CD8B: variants seen among roughly 807,000 people sequenced by gnomAD.
The protein encoded by CD8B is T-cell surface glycoprotein CD8 beta chain.
Under a neutral mutation model 24.2 loss-of-function variants are expected in CD8B, and 6 were observed. The ratio of observed to expected loss-of-function variants is 0.25; its 90% CI spans 0.14 to 0.49. The LOEUF is 0.49. Among genes scored for constraint, CD8B ranks in the 20% least tolerant of loss-of-function variants. CD8B has a pLI of 0.98. For missense variants in CD8B, 196 were observed against 271.3 expected, an observed-to-expected ratio of 0.72 and a Z score of 1.95; for synonymous variants, 84 against 108.3, an observed-to-expected ratio of 0.78 and a Z score of 1.39.
intron 5 of CD8B, among the ~76,000 whole-genome samples, chr2:86,824,797 T>G (rs183265102): frequency 6.6e-6 from 1 of 152,320 alleles, no homozygotes; most frequent in African/African-American, 2.4e-5. Context: ...ATCCTGCTTT[T>G]CCTTTACTTC....
At chr2:86,857,246 C>A (rs1340575370) in intron 2 of CD8B, among the ~76,000 whole-genome samples, 1 of 152,174 alleles carries the variant, frequency 6.6e-6, no homozygotes, top group East Asian at 1.9e-4. Context: ...CATAAGGGCA[C>A]CTGCCCCTAG....
intron 2 of CD8B, among the ~76,000 whole-genome samples, chr2:86,853,719 T>C (rs1181034338): frequency 6.6e-6 from 1 of 152,028 alleles, no homozygotes; most frequent in Non-Finnish European, 1.5e-5. Context: ...ATTTATTTAT[T>C]TTTTGAGACA....
intron 3 of CD8B, among the ~76,000 whole-genome samples, chr2:86,849,117 C>T (rs1675845173): frequency 6.6e-6 from 1 of 152,274 alleles, no homozygotes; most frequent in East Asian, 1.9e-4. Context: ...TACTAAAAGG[C>T]AGGACCAGGG....
intron 5 of CD8B, among the ~76,000 whole-genome samples, chr2:86,818,838 G>A (rs1674357092): frequency 6.6e-6 from 1 of 152,236 alleles, no homozygotes; most frequent in African/African-American, 2.4e-5. Context: ...TGAAAGTGGA[G>A]ACAGGCTGAA....
intron 1 of CD8B, among the ~76,000 whole-genome samples, chr2:86,858,654 G>A (rs1353306288): frequency 7.0e-5 from 10 of 143,026 alleles, no homozygotes; most frequent in Middle Eastern, 3.4e-3. Context: ...CAAAGGTACA[G>A]GGGAGAGAGC....
At chr2:86,857,644 C>T (rs1483584483) in intron 2 of CD8B, among the ~76,000 whole-genome samples, 11 of 152,172 alleles carry the variant, frequency 7.2e-5, no homozygotes, top group East Asian at 3.9e-4. Context: ...CACTTGAACC[C>T]GGGAAGCAGA....
In CD8B at chr2:86,832,273, GT is replaced by G. The variant is rs568842749; in HGVS notation, c.620+12648del. ...GAGGGTGGATCACCTGAGGTTAGGA[GT>G]TCAAGACCAGCCTGGCCAACATGGT... On this transcript the variant is annotated intron_variant, in intron 5 of 5. Coordinates refer to the CD8B transcript ENST00000331469. Among the ~76,000 whole-genome samples the G allele has an allele frequency of 2.4e-4, 37 of 152,286 alleles. 1 individual carries two copies. In the South Asian group the frequency reaches 4.8e-3, roughly 20 times the overall value.
chr2:86,851,711 A>T (rs1675984608), intron 3 of CD8B, among the ~76,000 whole-genome samples: 1 of 152,156 alleles, frequency 6.6e-6, no homozygotes, highest in Non-Finnish European at 1.5e-5. Flanking sequence ...TTTTCTGGGT[A>T]GCAGCAGATG....
At chr2:86,847,481 T>C in intron 3 of CD8B, among the ~76,000 whole-genome samples, 1 of 152,208 alleles carries the variant, frequency 6.6e-6, no homozygotes, top group Admixed American at 6.5e-5. Context: ...TAATCACCAC[T>C]GATAATTTAG....
At chr2:86,849,103 C>T (rs1376956203) in intron 3 of CD8B, among the ~76,000 whole-genome samples, 3 of 152,264 alleles carry the variant, frequency 2.0e-5, no homozygotes, top group Non-Finnish European at 4.4e-5. Context: ...CAAGGTCACC[C>T]AGCTACTAAA....
downstream of CD8B, among the ~76,000 whole-genome samples, chr2:86,834,020 T>A (rs1200027439): frequency 3.3e-5 from 5 of 152,190 alleles, no homozygotes; most frequent in South Asian, 2.1e-4. Context: ...AGCAACTTAT[T>A]AAATGATTCC....
chr2:86,849,679 T>C, intron 3 of CD8B, among the ~76,000 whole-genome samples: 1 of 151,028 alleles, frequency 6.6e-6, no homozygotes, highest in Non-Finnish European at 1.5e-5. Flanking sequence ...CTTTGCGGTA[T>C]GCAAATTATA....
rs111634107 is a variant in CD8B, at chr2:86,831,551, A to G, written c.620+13371T>C. ...AAACTTCTTTTGCCTTTGAGAAAGA[A>G]AATGTTTTCCTTCTGATTCTAAAAG... is the stretch of plus-strand genomic sequence containing the variant. On this transcript the variant is annotated intron_variant, in intron 5 of 5. Transcript: ENST00000331469. Among the ~76,000 whole-genome samples, 228 of 152,348 alleles carry G rather than the reference A, an allele frequency of 1.5e-3. 2 individuals are homozygous for G. Among genetic ancestry groups the G allele is most frequent in the Middle Eastern group, 6.8e-3 (2 of 294 alleles).
At chr2:86,827,473 A>C (rs1674736450) in intron 5 of CD8B, among the ~76,000 whole-genome samples, 2 of 152,018 alleles carry the variant, frequency 1.3e-5, no homozygotes, top group Admixed American at 1.3e-4. Flanking sequence ...AAGTTAAAAA[A>C]ATTAGCCAGG....
chr2:86,858,157 G>C lies in CD8B; in HGVS notation c.303C>G (p.Leu101=). 1.2e-6 allele frequency: 2 copies of C among 1,614,016 alleles called. No homozygotes were observed. The highest frequency in any genetic ancestry group is 1.7e-5 in the Admixed American group (1 of 60,024). The part of the protein sequence containing the change: ...AVFRDASRFI[L]NLTSVKPEDS... The stretch of plus-strand genomic sequence containing the variant: ...CTTCCGGCTTCACGCTTGTGAGATT[G>C]AGAATGAACCGGCTTGCATCCCGAA... Residue 101 remains leucine, a synonymous_variant, in exon 2 of 6, where the codon CTC becomes CTG. Coordinates refer to ENST00000390655, the MANE Select transcript of CD8B (RefSeq NM_004931.5).
At chr2:86,835,637 G>C (rs1003973587), downstream of CD8B, among the ~76,000 whole-genome samples, 7 of 151,472 alleles carry the variant, frequency 4.6e-5, no homozygotes, top group Admixed American at 1.3e-4. Flanking sequence ...GTGCTGGGGA[G>C]GGGTGTGTGG....
Position 86,821,493 on chromosome 2 carries a change from G to T in CD8B, c.621-5775C>A, listed in dbSNP as rs192117632. Among the ~76,000 whole-genome samples, 10 of 152,300 alleles carry T rather than the reference G, an allele frequency of 6.6e-5. No homozygotes were observed. The East Asian group carries it at 1.9e-3, about 29-fold the overall frequency. On this transcript the variant is annotated intron_variant, in intron 5 of 5. Transcript: ENST00000331469. ...TATTGTGGCGGGGAAGCAACATGGG[G>T]CCTTGTCCTGCGGACACACTTGAGT... is the stretch of plus-strand genomic sequence containing the variant.
In CD8B at chr2:86,847,855, C is replaced by T. The variant is rs1402813980; in HGVS notation, c.494-1082G>A. Among the ~76,000 whole-genome samples the T allele has an allele frequency of 7.2e-5, 11 of 152,226 alleles. 1 individual carries two copies. The highest frequency in any genetic ancestry group is 6.2e-4 in the South Asian group (3 of 4,810). On this transcript the variant is annotated intron_variant, in intron 3 of 5. Transcript: ENST00000390655. Reference sequence around the variant, plus strand: ...TGCTGGGATTACAGGTGTGAGCTACCGCAACTGGCCTTAAATACATATAGT... The same window carrying T: ...TGCTGGGATTACAGGTGTGAGCTACTGCAACTGGCCTTAAATACATATAGT...
intron 5 of CD8B, among the ~76,000 whole-genome samples, chr2:86,828,889 C>A (rs1401696254): frequency 6.6e-6 from 1 of 151,028 alleles, no homozygotes; most frequent in African/African-American, 2.4e-5. Flanking sequence ...TAATTTGTTT[C>A]TTGTCATTAT....
Sources: gnomAD v4.1 joint callset for allele counts (sites outside exome capture counted in the v4.1 genomes callset) on GRCh38, gnomAD v4.1.1 for gene constraint, MANE v1.5 for transcripts, NCBI Gene and HGNC (gene_info 2026-07-23, HGNC 2026-07-21) for gene names.